C1QC: variants seen among roughly 807,000 people sequenced by gnomAD.
The protein encoded by C1QC is complement C1q C chain, also known as complement C1q subcomponent subunit C.
Under a neutral mutation model 5.9 loss-of-function variants are expected in C1QC, and 4 were observed. The observed-to-expected ratio is 0.68, with a 90% CI of 0.33 to 1.55. The LOEUF (loss-of-function observed/expected upper bound fraction) is 1.55, where lower values mean the gene tolerates loss of function less well. Among genes scored for constraint, C1QC ranks in the 40% most tolerant of loss-of-function variants. The pLI is 0.06. For missense variants in C1QC, 299 were observed against 326.9 expected (o/e 0.91, Z 0.66); for synonymous variants, 166 against 153.8 (o/e 1.08, Z -0.59).
rs1184290213 is a variant in C1QC at position 22,647,728 on chromosome 1, T to C, written c.683T>C (p.Val228Ala). Residue 228 changes from valine (V) to alanine (A), a missense_variant, in exon 3 of 3, where the codon GTG becomes GCG. Around this residue, in one of 3 missense-constraint regions of C1QC, gnomAD observed 144 missense variants for 155.1 expected, o/e 0.93. Transcript: ENST00000374640. ...GCTGTCAATGACTACTACGACATGG[T>C]GGGCATCCAGGGCTCTGACAGCGTC... ...WLAVNDYYDM[V>A]GIQGSDSVFS... The C allele has an allele frequency of 1.2e-6, 2 of 1,601,484 alleles. No homozygotes were observed. Among genetic ancestry groups the C allele is most frequent in the Non-Finnish European group, 1.7e-6 (2 of 1,179,964 alleles).
chr1:22,647,143 G>T lies in C1QC; in HGVS notation c.182-84G>T. 5 of 1,490,332 alleles carry T rather than the reference G, an allele frequency of 3.4e-6. 1 individual carries two copies. The South Asian group carries it at 3.5e-5, about 10-fold the overall frequency. 92.3% of individuals were successfully genotyped at this position (1,490,332 alleles called of 1,614,324 possible). A position where few individuals can be genotyped will look rare whatever the true frequency, so the allele number is the denominator to read the frequency against. On this transcript the variant is annotated intron_variant, in intron 2 of 2. Coordinates refer to ENST00000374640, the MANE Select transcript of C1QC (RefSeq NM_172369.5). The stretch of plus-strand genomic sequence containing the variant: ...GAGATTCTAGAGACCAAATGCCAGC[G>T]CTGTGTTCCCTGGAAGACACCCTCA...
Position 22,648,037 on chromosome 1 carries a change from ATTC to A in C1QC, c.*257_*259del. The stretch of plus-strand genomic sequence containing the variant: ...TTAACCAATGCCTTCTGGTACTGCC[ATTC>A]TTTTTTTTTTTTTTTTCAAGTATTG... On this transcript the variant is annotated 3_prime_UTR_variant, in exon 3 of 3. Transcript: ENST00000374640. The A allele has an allele frequency of 8.2e-6, 3 of 364,822 alleles. No homozygotes were observed. Among genetic ancestry groups the A allele is most frequent in the African/African-American group, 5.3e-5 (1 of 18,732 alleles). 22.6% of individuals were successfully genotyped at this position (364,822 alleles called of 1,614,324 possible). A position where few individuals can be genotyped will look rare whatever the true frequency, so the allele number is the denominator to read the frequency against.
Position 22,647,469 on chromosome 1 carries a change from G to C in C1QC, c.424G>C (p.Ala142Pro). 1.2e-6 allele frequency: 2 copies of C among 1,614,144 alleles called. No homozygotes were observed. The highest frequency in any genetic ancestry group is 1.7e-6 in the Non-Finnish European group (2 of 1,180,028). The change falls in exon 3 of 3, where the codon GCG (alanine) becomes CCG (proline). Residue 142 changes from alanine (A) to proline (P), a missense_variant. Transcript: ENST00000374640. ...ACCCAACAGCCTGATCAGATTCAAC[G>C]CGGTCCTCACCAACCCGCAGGGAGA... ...PAPNSLIRFNAVLTNPQGDYD... is the reference protein window; with the variant it reads ...PAPNSLIRFNPVLTNPQGDYD...
Position 22,647,954 on chromosome 1 carries a change from G to T in C1QC, c.*171G>T, listed in dbSNP as rs1484046831. 2 of 832,612 alleles carry T rather than the reference G, an allele frequency of 2.4e-6. No individual in the cohort carries two copies. Among genetic ancestry groups the T allele is most frequent in the Non-Finnish European group, 1.8e-6 (1 of 544,834 alleles). 51.6% of individuals were successfully genotyped at this position (832,612 alleles called of 1,614,324 possible). ...CCCCCACTGCACCCCCTCCCCATGGGTTCTCTCCTTCCTCTGAACTTCTTT... is the reference window on the plus strand; with the variant it reads ...CCCCCACTGCACCCCCTCCCCATGGTTTCTCTCCTTCCTCTGAACTTCTTT... On this transcript the variant is annotated 3_prime_UTR_variant, in exon 3 of 3. Coordinates refer to ENST00000374640, the MANE Select transcript of C1QC (RefSeq NM_172369.5).
intron 2 of C1QC, among the ~76,000 whole-genome samples, chr1:22,644,800 G>A (rs1642342196): frequency 6.6e-6 from 1 of 152,120 alleles, no homozygotes. Flanking sequence ...TTTTATCATT[G>A]GTTTTATCAG....
chr1:22,643,869 C>A, intron 1 of C1QC, 142 bp from the exon 2 acceptor site: 1 of 1,375,906 alleles, frequency 7.3e-7, no homozygotes, highest in Non-Finnish European at 9.5e-7. Context: ...GAAGAAAAGG[C>A]CCCACCATCC....
chr1:22,647,341 C>T lies in C1QC; in HGVS notation c.296C>T (p.Pro99Leu). Reference sequence around the variant, plus strand: ...GGACCCCCTGGGATGCCAGGGGTGCCCGGCCCCATGGGCATCCCTGGAGAG... The same window carrying T: ...GGACCCCCTGGGATGCCAGGGGTGCTCGGCCCCATGGGCATCCCTGGAGAG... The part of the protein sequence containing the change: ...PMGPPGMPGV[P>L]GPMGIPGEPG... Residue 99 changes from proline to leucine, a missense_variant, in exon 3 of 3, where the codon CCC becomes CTC. Coordinates refer to ENST00000374640, the MANE Select transcript of C1QC (RefSeq NM_172369.5). The T allele has an allele frequency of 6.2e-7, 1 of 1,613,932 alleles. No homozygotes were observed. The highest frequency in any genetic ancestry group is 1.7e-4 in the Middle Eastern group (1 of 6,060).
At position 22,647,738 on chromosome 1, in the gene C1QC, G is replaced by A. The variant is rs1469812484; in HGVS notation, c.693G>A (p.Gln231=). The stretch of plus-strand genomic sequence containing the variant: ...ACTACTACGACATGGTGGGCATCCA[G>A]GGCTCTGACAGCGTCTTCTCCGGCT... ...VNDYYDMVGI[Q]GSDSVFSGFL... The change falls in exon 3 of 3, where the codon CAG becomes CAA. Residue 231 remains glutamine (Q), a synonymous_variant. Transcript: ENST00000374640. The A allele has an allele frequency of 6.2e-7, 1 of 1,600,946 alleles. No individual in the cohort carries two copies. The highest frequency in any genetic ancestry group is 8.5e-7 in the Non-Finnish European group (1 of 1,179,964).
At chr1:22,646,922 C>A (rs1009393629) in intron 2 of C1QC, among the ~76,000 whole-genome samples, 16 of 152,186 alleles carry the variant, frequency 1.1e-4, no homozygotes, top group African/African-American at 3.9e-4. Context: ...ATCTGTGATC[C>A]CGCCCAGCTC....
intron 2 of C1QC, among the ~76,000 whole-genome samples, chr1:22,646,407 C>A (rs581453): frequency 6.6e-6 from 1 of 151,808 alleles, no homozygotes; most frequent in Non-Finnish European, 1.5e-5. Context: ...CTGAAAGATG[C>A]GCTTGATTGC....
chr1:22,643,883 C>A, intron 1 of C1QC, 128 bp from the exon 2 acceptor site: 1 of 1,376,438 alleles, frequency 7.3e-7, no homozygotes. Context: ...ACCATCCATC[C>A]ATGGTGAGGC....
intron 2 of C1QC, among the ~76,000 whole-genome samples, chr1:22,646,471 C>T (rs1319964601): frequency 6.6e-6 from 1 of 152,096 alleles, no homozygotes; most frequent in Non-Finnish European, 1.5e-5. Flanking sequence ...ATATTGGAAC[C>T]ACACACACAG....
intron 2 of C1QC, among the ~76,000 whole-genome samples, chr1:22,646,599 G>C (rs7517504): frequency 0.14 from 21,710 of 152,136 alleles, 2,329 homozygotes; most frequent in African/African-American, 0.3. Flanking sequence ...ACTGGGTGAA[G>C]AGTCCCTGTT....
Position 22,644,041 on chromosome 1 carries a change from C to G in C1QC, c.18C>G (p.Ser6Arg), listed in dbSNP as rs767376934. The G allele has an allele frequency of 6.3e-7, 1 of 1,588,514 alleles. No individual in the cohort carries two copies. The highest frequency in any genetic ancestry group is 8.6e-7 in the Non-Finnish European group (1 of 1,168,854). The stretch of plus-strand genomic sequence containing the variant: ...TCTCCGGGATGGACGTGGGGCCCAG[C>G]TCCCTGCCCCACCTTGGGCTGAAGC... MDVGP[S>R]SLPHLGLKLL... is the part of the protein sequence containing the mutation. Residue 6 changes from serine (S) to arginine (R), a missense_variant, in exon 2 of 3, where the codon AGC becomes AGG. Ser to Arg is a moderately radical substitution (Grantham distance 110). This residue lies in a region of C1QC where 146 missense variants were observed against 144.1 expected (regional missense o/e 1.01). Coordinates refer to ENST00000374640, the MANE Select transcript of C1QC (RefSeq NM_172369.5).
chr1:22,647,325 G>C lies in C1QC; in HGVS notation c.280G>C (p.Gly94Arg), dbSNP rs1642385208. 1 of 1,613,810 alleles carries C rather than the reference G, an allele frequency of 6.2e-7. No individual in the cohort carries two copies. The highest frequency in any genetic ancestry group is 1.1e-5 in the South Asian group (1 of 91,078). ...PGKNGPMGPP[G>R]MPGVPGPMGI... Reference sequence around the variant, plus strand: ...GAAAAATGGCCCCATGGGACCCCCTGGGATGCCAGGGGTGCCCGGCCCCAT... The same window carrying C: ...GAAAAATGGCCCCATGGGACCCCCTCGGATGCCAGGGGTGCCCGGCCCCAT... Residue 94 changes from glycine to arginine, a missense_variant, in exon 3 of 3, where the codon GGG becomes CGG. Gly to Arg is a moderately radical substitution (Grantham distance 125). This residue lies in a region of C1QC where 146 missense variants were observed against 144.1 expected (regional missense o/e 1.01). Coordinates refer to ENST00000374640, the MANE Select transcript of C1QC (RefSeq NM_172369.5).
rs771703530 is a variant in C1QC, at chr1:22,647,357, C to T, written c.312C>T (p.Ile104=). 7 of 1,614,050 alleles carry T rather than the reference C, an allele frequency of 4.3e-6. No individual in the cohort carries two copies. Among genetic ancestry groups the T allele is most frequent in the African/African-American group, 1.3e-5 (1 of 75,018 alleles). Residue 104 remains isoleucine, a synonymous_variant, in exon 3 of 3, where the codon ATC becomes ATT. Transcript: ENST00000374640. ...CAGGGGTGCCCGGCCCCATGGGCAT[C>T]CCTGGAGAGCCAGGTGAGGAGGGCA... ...GMPGVPGPMG[I]PGEPGEEGRY...
rs756241985 is a variant in C1QC at position 22,647,801 on chromosome 1, G to A, written c.*18G>A. 4.4e-5 allele frequency: 70 copies of A among 1,598,848 alleles called. No homozygotes were observed. Among genetic ancestry groups the A allele is most frequent in the Admixed American group, 2.8e-4 (17 of 59,976 alleles). On this transcript the variant is annotated 3_prime_UTR_variant, in exon 3 of 3. Coordinates refer to ENST00000374640, the MANE Select transcript of C1QC (RefSeq NM_172369.5). ...CCGACTAGGGCGGGCAGATGCGCTC[G>A]AGCCCCACGGGCCTTCCACCTCCCT... is the stretch of plus-strand genomic sequence containing the variant.
intron 2 of C1QC, 40 bp downstream of exon 2, chr1:22,644,244 C>T: frequency 6.6e-7 from 1 of 1,519,804 alleles, no homozygotes; most frequent in Middle Eastern, 1.7e-4. Context: ...GGGTCTGGGG[C>T]AGGGATCAGA....
At position 22,644,150 on chromosome 1, in the gene C1QC, G is replaced by T; in HGVS notation, c.127G>T (p.Gly43Trp). 6.3e-7 allele frequency: 1 copy of T among 1,586,490 alleles called. No homozygotes were observed. The highest frequency in any genetic ancestry group is 1.2e-5 in the South Asian group (1 of 86,486). The change falls in exon 2 of 3, where the codon GGG becomes TGG. Residue 43 changes from glycine to tryptophan, a missense_variant. Gly to Trp is a radical substitution (Grantham distance 184). Coordinates refer to ENST00000374640, the MANE Select transcript of C1QC (RefSeq NM_172369.5). The part of the protein sequence containing the change: ...YGIPGMPGLP[G>W]APGKDGYDGL... ...GATCCCAGGGATGCCCGGCCTGCCC[G>T]GGGCACCAGGGAAGGATGGGTACGA...
Sources: allele counts gnomAD v4.1 joint callset (sites outside exome capture counted in the v4.1 genomes callset), GRCh38; gene constraint gnomAD v4.1.1; regional missense constraint gnomAD v4.1.1; transcripts MANE v1.5; gene names NCBI Gene and HGNC (gene_info 2026-07-23, HGNC 2026-07-21).